The following COX10 variants were observed in gnomAD, a reference collection of about 807,000 sequenced individuals.
The protein encoded by COX10 is cytochrome c oxidase assembly factor heme A:farnesyltransferase COX10.
Under a neutral mutation model 37.3 loss-of-function variants are expected in COX10, and 27 were observed. That is an observed-to-expected ratio of 0.72 (90% CI 0.53 to 1.00). The LOEUF is 1.00. Among genes scored for constraint, COX10 ranks in the 50% least tolerant of loss-of-function variants. The probability of loss-of-function intolerance (pLI) is 0.00; values close to 1 mark genes in which losing one functional copy is unlikely to be tolerated. For synonymous variants in COX10, 222 were observed against 229.1 expected (o/e 0.97, Z 0.28); for missense variants, 475 against 563.2 (o/e 0.84, Z 1.59).
intron 5 of COX10, among the ~76,000 whole-genome samples, chr17:14,183,366 A>G (rs1460898852): frequency 6.6e-6 from 1 of 152,196 alleles, no homozygotes; most frequent in African/African-American, 2.4e-5. Context: ...TCTTATTCAT[A>G]CATTTATTCT....
At chr17:14,151,767 A>G (rs1440415603) in intron 4 of COX10, among the ~76,000 whole-genome samples, 1 of 152,212 alleles carries the variant, frequency 6.6e-6, no homozygotes, top group African/African-American at 2.4e-5. Context: ...GAAGGGAAGG[A>G]ATGTGAATGT....
rs752287000 is a variant in COX10 at position 14,102,217 on chromosome 17, C to A, written c.599C>A (p.Ser200Tyr). 148 of 1,613,550 alleles carry A rather than the reference C, an allele frequency of 9.2e-5. No homozygotes were observed. The highest frequency in any genetic ancestry group is 1.2e-4 in the Non-Finnish European group (144 of 1,179,712). Residue 200 changes from serine to tyrosine, a missense_variant, in exon 4 of 7, where the codon TCC (serine) becomes TAC (tyrosine). Transcript: ENST00000261643. The part of the protein sequence containing the change: ...LLTSVGTGLA[S>Y]CAANSINQFF... ...ACTTCTGTTGGGACAGGCCTTGCATCCTGTGCTGCCAACTCCATCAATCAG... is the reference window on the plus strand; with the variant it reads ...ACTTCTGTTGGGACAGGCCTTGCATACTGTGCTGCCAACTCCATCAATCAG...
chr17:14,080,219 CTTTTTTT>C lies in COX10; in HGVS notation c.499+3179_499+3185del, dbSNP rs71147840. Among the ~76,000 whole-genome samples the C allele has an allele frequency of 4.1e-4, 42 of 102,704 alleles. No individual in the cohort carries two copies. The East Asian group carries it at 7.5e-3, about 18-fold the overall frequency. The allele number at this position is 102,704 out of a possible 152,430, so 67.4% of individuals were successfully genotyped here. ...CAACAGCATTTGGGAATTAGACTTT[CTTTTTTT>C]TTTTTTTTTTTTTTTGAGACGGAGT... On this transcript the variant is annotated intron_variant, in intron 3 of 6. Transcript: ENST00000261643.
At chr17:14,139,108 G>A (rs533552108) in intron 4 of COX10, among the ~76,000 whole-genome samples, 1 of 152,240 alleles carries the variant, frequency 6.6e-6, no homozygotes, top group African/African-American at 2.4e-5. Flanking sequence ...GCCCAGGCTT[G>A]GTAATAGTAA....
intron 4 of COX10, among the ~76,000 whole-genome samples, chr17:14,113,193 C>T (rs72816643): frequency 0.13 from 19,360 of 152,146 alleles, 1,596 homozygotes; most frequent in Non-Finnish European, 0.18. Context: ...TAGTCATGCT[C>T]CTCTGGCATA....
chr17:14,106,019 TTG>T (rs201658601), intron 4 of COX10, among the ~76,000 whole-genome samples: 698 of 5,624 alleles, frequency 0.12, 15 homozygotes, highest in East Asian at 0.48. Flanking sequence ...TTTTTTGTTT[TTG>T]TTTTTTTTTG....
At chr17:14,082,638 G>T (rs1370471751) in intron 3 of COX10, among the ~76,000 whole-genome samples, 1 of 152,032 alleles carries the variant, frequency 6.6e-6, no homozygotes, top group Non-Finnish European at 1.5e-5. Context: ...CATTCCAGAT[G>T]CAGGGTTTGA....
chr17:14,104,155 C>G (rs1424805326), intron 4 of COX10, among the ~76,000 whole-genome samples: 1 of 152,058 alleles, frequency 6.6e-6, no homozygotes, highest in Non-Finnish European at 1.5e-5. Flanking sequence ...TTTTGTACCC[C>G]TCATATTGCT....
intron 6 of COX10, among the ~76,000 whole-genome samples, chr17:14,195,923 A>T (rs1159743694): frequency 6.6e-6 from 1 of 152,192 alleles, no homozygotes; most frequent in African/African-American, 2.4e-5. Flanking sequence ...AGATTAGGAC[A>T]TAGGCAGATG....
At chr17:14,117,800 A>G (rs188794207) in intron 4 of COX10, among the ~76,000 whole-genome samples, 115 of 152,164 alleles carry the variant, frequency 7.6e-4, no homozygotes, top group African/African-American at 2.7e-3. Context: ...GCCTTATCCC[A>G]AGGACAAAGG....
chr17:14,077,884 GA>G (rs1278245343), intron 3 of COX10, among the ~76,000 whole-genome samples: 1 of 151,156 alleles, frequency 6.6e-6, no homozygotes. Flanking sequence ...ATGAGACAGG[GA>G]GGCTTTTGAG....
chr17:14,189,268 T>A (rs1906129878), intron 5 of COX10, among the ~76,000 whole-genome samples: 1 of 152,150 alleles, frequency 6.6e-6, no homozygotes. Context: ...GAGACGTCTA[T>A]GGTATTGGTT....
At chr17:14,110,534 G>A (rs1915986608) in intron 4 of COX10, among the ~76,000 whole-genome samples, 1 of 152,058 alleles carries the variant, frequency 6.6e-6, no homozygotes. Flanking sequence ...CCTGATTTGG[G>A]TGGCTTGGAG....
chr17:14,194,682 C>T (rs1383075303), intron 6 of COX10, among the ~76,000 whole-genome samples: 2 of 152,186 alleles, frequency 1.3e-5, no homozygotes, highest in Non-Finnish European at 2.9e-5. Flanking sequence ...GCCTCGGCCT[C>T]CCAAAGTGCT....
intron 1 of COX10, among the ~76,000 whole-genome samples, chr17:14,072,875 G>A (rs1915057314): frequency 6.6e-6 from 1 of 152,166 alleles, no homozygotes; most frequent in South Asian, 2.1e-4. Context: ...CAAAGGTGGT[G>A]AGTAAAGGAG....
chr17:14,165,539 T>C (rs900222818), intron 5 of COX10, among the ~76,000 whole-genome samples: 2 of 152,132 alleles, frequency 1.3e-5, no homozygotes, highest in Non-Finnish European at 2.9e-5. Flanking sequence ...TCCCCATCTC[T>C]CTCCTGCTCC....
chr17:14,189,079 C>CTTT (rs150588459), intron 5 of COX10, among the ~76,000 whole-genome samples: 23 of 114,122 alleles, frequency 2.0e-4, no homozygotes, highest in African/African-American at 2.9e-4. Context: ...TCATTTTCTT[C>CTTT]TTTTTTTTTT....
At chr17:14,202,030 T>C (rs1206188613) in intron 6 of COX10, among the ~76,000 whole-genome samples, 1 of 152,096 alleles carries the variant, frequency 6.6e-6, no homozygotes, top group African/African-American at 2.4e-5. Context: ...TCCCTAGCAG[T>C]ACTCACTGCC....
chr17:14,181,325 G>A (rs1414038576), intron 5 of COX10, among the ~76,000 whole-genome samples: 1 of 151,590 alleles, frequency 6.6e-6, no homozygotes, highest in African/African-American at 2.4e-5. Context: ...TTTTTTGTTT[G>A]GCCTGCTGTG....
Sources: allele counts gnomAD v4.1 joint callset (sites outside exome capture counted in the v4.1 genomes callset), GRCh38; gene constraint gnomAD v4.1.1; transcripts MANE v1.5; gene names NCBI Gene and HGNC (gene_info 2026-07-23, HGNC 2026-07-21).